BCL11B: variants seen among roughly 807,000 people sequenced by gnomAD.
BCL11B encodes B-cell lymphoma/leukemia 11B.
BCL11B carries 8 observed loss-of-function variants against 49.9 expected under a neutral mutation model. That is an observed-to-expected ratio of 0.16 (90% CI 0.09 to 0.29). The LOEUF is 0.29. BCL11B is among the 10% of genes least tolerant of loss of function. The pLI, the probability that BCL11B is intolerant of heterozygous loss-of-function variation, is 1.00. For missense variants in BCL11B, 1,006 were observed against 1,351.0 expected, an observed-to-expected ratio of 0.74 and a Z score of 4.00; for synonymous variants, 739 against 637.4, an observed-to-expected ratio of 1.16 and a Z score of -2.40.
At chr14:99,226,315 G>T (rs754400802) in intron 3 of BCL11B, among the ~76,000 whole-genome samples, 1 of 152,080 alleles carries the variant, frequency 6.6e-6, no homozygotes, top group African/African-American at 2.4e-5. Flanking sequence ...ACCTTCCCAC[G>T]ACGGAGCTCT....
intron 2 of BCL11B, among the ~76,000 whole-genome samples, chr14:99,236,650 C>T (rs889823352): frequency 6.6e-6 from 1 of 152,078 alleles, no homozygotes; most frequent in Non-Finnish European, 1.5e-5. Flanking sequence ...GAGGCTCAGG[C>T]CCTGGTCTAA....
intron 2 of BCL11B, among the ~76,000 whole-genome samples, chr14:99,236,460 G>A (rs1888502554): frequency 6.6e-6 from 1 of 152,144 alleles, no homozygotes; most frequent in African/African-American, 2.4e-5. Context: ...GTTTGCTACA[G>A]AGGGAAGATG....
intron 2 of BCL11B, among the ~76,000 whole-genome samples, chr14:99,256,193 G>A (rs905840019): frequency 3.9e-5 from 6 of 152,282 alleles, no homozygotes; most frequent in Admixed American, 2.0e-4. Context: ...TCGAAAGCCT[G>A]AGTCCCTCCA....
chr14:99,271,088 G>GGCT, intron 1 of BCL11B, 73 bp downstream of exon 1: 1 of 1,430,584 alleles, frequency 7.0e-7, no homozygotes, highest in South Asian at 1.3e-5. Context: ...GGCTGTTCCG[G>GGCT]GCTCGGTGTC....
Position 99,257,798 on chromosome 14 carries a change from C to T in BCL11B, c.100G>A (p.Glu34Lys), listed in dbSNP as rs1889216119. Residue 34 changes from glutamate (E) to lysine (K), a missense_variant, in exon 2 of 4, where the codon GAG becomes AAG. Transcript: ENST00000357195. The surrounding 1 kb of genome is among the most constrained non-coding windows in gnomAD (Gnocchi z 6.2). ...CTTGGCTCCTCTATCTCCAGACCCT[C>T]GTCTTCTTCGAGGATGGCGGCCTCC... ...HVEAAILEED[E>K]GLEIEEPSGL... is the part of the protein sequence containing the mutation. 3.2e-6 allele frequency: 5 copies of T among 1,559,152 alleles called. No homozygotes were observed. Among genetic ancestry groups the T allele is most frequent in the Non-Finnish European group, 4.3e-6 (5 of 1,150,818 alleles).
intron 3 of BCL11B, among the ~76,000 whole-genome samples, chr14:99,216,838 C>A (rs1054463042): frequency 1.1e-4 from 17 of 152,106 alleles, no homozygotes; most frequent in Non-Finnish European, 2.1e-4. Context: ...TGCTCACACA[C>A]AAAAACACTC....
At chr14:99,199,695 C>T (rs1238239711) in intron 3 of BCL11B, among the ~76,000 whole-genome samples, 13 of 62,618 alleles carry the variant, frequency 2.1e-4, no homozygotes, top group African/African-American at 3.3e-4. Flanking sequence ...CGCGCGCGCG[C>T]GCACGTGCAC....
At chr14:99,245,727 G>A (rs1888807838) in intron 2 of BCL11B, among the ~76,000 whole-genome samples, 2 of 152,144 alleles carry the variant, frequency 1.3e-5, no homozygotes, top group Non-Finnish European at 2.9e-5. Flanking sequence ...CCCCATGCCC[G>A]AGAAGGTCAC....
rs769377908 is a variant in BCL11B, at chr14:99,175,585, C to A, written c.1251G>T (p.Thr417=). 2 of 1,580,680 alleles carry A rather than the reference C, an allele frequency of 1.3e-6. No homozygotes were observed. The highest frequency in any genetic ancestry group is 1.7e-6 in the Non-Finnish European group (2 of 1,166,028). ...TCTTGGCTGGCGGCTGCGGGGGCGG[C>A]GTGCCGCCAGGGGGCATGGGCGGCA... ...PPLPPMPPGG[T]PPPQPPAKSK... The change falls in exon 4 of 4, where the codon ACG becomes ACT. Residue 417 remains threonine (T), a synonymous_variant. Transcript: ENST00000357195.
At position 99,175,282 on chromosome 14, in the gene BCL11B, G is replaced by A; in HGVS notation, c.1554C>T (p.Arg518=). 1 of 1,541,310 alleles carries A rather than the reference G, an allele frequency of 6.5e-7. No individual in the cohort carries two copies. Among genetic ancestry groups the A allele is most frequent in the Non-Finnish European group, 8.7e-7 (1 of 1,148,310 alleles). ...CCAGCGACGGGTCGCTCTCGTGGTG[G>A]CGGAAGTCACCGTCGGCCGCCTTGA... ...EGLKAADGDF[R]HHESDPSLGH... Residue 518 remains arginine, a synonymous_variant, in exon 4 of 4, where the codon CGC becomes CGT. Coordinates refer to ENST00000357195, the MANE Select transcript of BCL11B (RefSeq NM_138576.4).
intron 3 of BCL11B, among the ~76,000 whole-genome samples, chr14:99,196,979 T>C (rs1191027612): frequency 6.6e-6 from 1 of 152,196 alleles, no homozygotes; most frequent in Non-Finnish European, 1.5e-5. Flanking sequence ...GAACCTTCCA[T>C]GTTCTGGTTC....
intron 3 of BCL11B, among the ~76,000 whole-genome samples, chr14:99,216,195 T>C (rs1348362778): frequency 6.6e-6 from 1 of 152,238 alleles, no homozygotes; most frequent in Non-Finnish European, 1.5e-5. Flanking sequence ...ACTGCCTCCA[T>C]TTCCTCATCC....
chr14:99,180,274 A>C (rs1369277422), intron 3 of BCL11B, among the ~76,000 whole-genome samples: 21 of 152,216 alleles, frequency 1.4e-4, no homozygotes, highest in Non-Finnish European at 2.2e-4. Flanking sequence ...TGGCCTACAG[A>C]CCTAGAAACG....
At chr14:99,201,649 G>A (rs1336275761) in intron 3 of BCL11B, among the ~76,000 whole-genome samples, 1 of 152,154 alleles carries the variant, frequency 6.6e-6, no homozygotes, top group African/African-American at 2.4e-5. Context: ...CAGGTCCCTG[G>A]TGCTGCACCG....
At chr14:99,234,200 G>A (rs1462294337) in intron 2 of BCL11B, among the ~76,000 whole-genome samples, 1 of 152,090 alleles carries the variant, frequency 6.6e-6, no homozygotes, top group African/African-American at 2.4e-5. Flanking sequence ...GAGTTTCTTC[G>A]GGGGGTGATG....
At chr14:99,212,689 G>C (rs1887722246) in intron 3 of BCL11B, among the ~76,000 whole-genome samples, 1 of 152,136 alleles carries the variant, frequency 6.6e-6, no homozygotes, top group Admixed American at 6.5e-5. Flanking sequence ...AGACTTCCCA[G>C]AGAACAACCC....
At position 99,250,413 on chromosome 14, in the gene BCL11B, G is replaced by A. The variant is rs570396959; in HGVS notation, c.427+7058C>T. ...CTTGCACTCCAGCCTGGGCGACAGC[G>A]AGACTCTGTCTCAAAAATAAATAAA... On this transcript the variant is annotated intron_variant, in intron 2 of 3. Transcript: ENST00000357195. 1.7e-3 allele frequency among the ~76,000 whole-genome samples: 261 copies of A among 152,138 alleles called. 1 individual carries two copies. The highest frequency in any genetic ancestry group is 5.9e-3 in the African/African-American group (247 of 41,514).
At position 99,173,343 on chromosome 14, in the gene BCL11B, T is replaced by C. The variant is rs1886351525; in HGVS notation, c.*808A>G. 4.5e-6 allele frequency: 1 copy of C among 220,426 alleles called. No individual in the cohort carries two copies. The highest frequency in any genetic ancestry group is 2.2e-5 in the African/African-American group (1 of 44,524). The allele number at this position is 220,426 out of a possible 1,614,324, so 13.7% of individuals were successfully genotyped here. On this transcript the variant is annotated 3_prime_UTR_variant, in exon 4 of 4. Transcript: ENST00000357195. The stretch of plus-strand genomic sequence containing the variant: ...AGGAGCCCTCCAAAAACCCTATCTC[T>C]GGCGGCGCTGAGTCTGTGGGGTGCC...
rs1595066961 is a variant in BCL11B at position 99,242,270 on chromosome 14, C to T, written c.428-10713G>A. Among the ~76,000 whole-genome samples, 4 of 152,302 alleles carry T rather than the reference C, an allele frequency of 2.6e-5. No homozygotes were observed. Among genetic ancestry groups the T allele is most frequent in the East Asian group, 1.9e-4 (1 of 5,180 alleles). Reference sequence around the variant, plus strand: ...TTCATACAGACAATATTTACATGGGCGTTGCATGATCTTGTCCCCCTGCTT... The same window carrying T: ...TTCATACAGACAATATTTACATGGGTGTTGCATGATCTTGTCCCCCTGCTT... On this transcript the variant is annotated intron_variant, in intron 2 of 3. Coordinates refer to ENST00000357195, the MANE Select transcript of BCL11B (RefSeq NM_138576.4). This position sits in a 1 kb window ranked among gnomAD's most constrained non-coding sequence, Gnocchi z 4.4.
Sources: gnomAD v4.1 joint callset for allele counts (sites outside exome capture counted in the v4.1 genomes callset) on GRCh38, gnomAD v4.1.1 for gene constraint, Gnocchi (gnomAD v3.1) non-coding constraint, MANE v1.5 for transcripts, NCBI Gene and HGNC (gene_info 2026-07-23, HGNC 2026-07-21) for gene names.